The following AFAP1 variants were observed in gnomAD, a reference collection of about 807,000 sequenced individuals.
The protein encoded by AFAP1 is actin filament associated protein 1.
In AFAP1, 75 loss-of-function variants were observed where a neutral mutation model predicts 93.9. The observed-to-expected ratio is 0.80, with a 90% confidence interval of 0.66 to 0.97. The LOEUF is 0.97. Among genes scored for constraint, AFAP1 ranks in the 50% least tolerant of loss-of-function variants. The probability of loss-of-function intolerance (pLI) is 0.00; values close to 1 mark genes in which losing one functional copy is unlikely to be tolerated. For synonymous variants in AFAP1, 517 were observed against 430.7 expected (o/e 1.20, Z -2.48); for missense variants, 1,201 against 1,050.8 (o/e 1.14, Z -1.98).
intron 3 of AFAP1, among the ~76,000 whole-genome samples, chr4:7,862,893 C>T (rs1372495666): frequency 6.6e-6 from 1 of 152,158 alleles, no homozygotes; most frequent in Admixed American, 6.5e-5. Flanking sequence ...CAATGCTATG[C>T]TGAAGAAGGG....
chr4:7,922,451 G>C (rs1256506003), intron 1 of AFAP1, among the ~76,000 whole-genome samples: 3 of 152,202 alleles, frequency 2.0e-5, no homozygotes, highest in Non-Finnish European at 4.4e-5. Context: ...TAAGGAGGTA[G>C]AAGTGTGGAG....
At chr4:7,843,548 A>C (rs1002362099) in intron 4 of AFAP1, among the ~76,000 whole-genome samples, 198 bp from the exon 5 acceptor site, 1 of 152,192 alleles carries the variant, frequency 6.6e-6, no homozygotes, top group African/African-American at 2.4e-5. Flanking sequence ...AAACTCAATG[A>C]CAAGGTGAAG....
Position 7,845,825 on chromosome 4 carries a change from G to A in AFAP1, c.335-2475C>T, listed in dbSNP as rs149838388. ...AAGTCCCACATGTCAACTGGATACC[G>A]GGGCCCAGAGGAAAAACACTCCCCC... On this transcript the variant is annotated intron_variant, in intron 4 of 17. Transcript: ENST00000420658. 2.0e-3 allele frequency among the ~76,000 whole-genome samples: 305 copies of A among 152,198 alleles called. 1 individual carries two copies. The highest frequency in any genetic ancestry group is 6.9e-3 in the African/African-American group (286 of 41,512).
intron 17 of AFAP1, among the ~76,000 whole-genome samples, chr4:7,765,329 T>C (rs919481343): frequency 1.3e-5 from 2 of 152,194 alleles, no homozygotes; most frequent in Non-Finnish European, 2.9e-5. Flanking sequence ...TCATGCATCC[T>C]GAGGACCAGG....
intron 1 of AFAP1, among the ~76,000 whole-genome samples, chr4:7,900,739 AAC>A (rs1359863773): frequency 1.3e-5 from 2 of 152,258 alleles, no homozygotes; most frequent in East Asian, 3.8e-4. Context: ...GAAACGGATA[AAC>A]ACTGCAACAT....
rs190275734 is a variant in AFAP1 at position 7,760,686 on chromosome 4, T to C, written c.*3079A>G. On this transcript the variant is annotated 3_prime_UTR_variant, in exon 18 of 18. Coordinates refer to ENST00000420658, the MANE Select transcript of AFAP1 (RefSeq NM_001134647.2). Reference sequence around the variant, plus strand: ...TCAGTGGCTTAACATTATAAAAATATATAAATGGAGGTTGAAGGCTGATGA... The same window carrying C: ...TCAGTGGCTTAACATTATAAAAATACATAAATGGAGGTTGAAGGCTGATGA... 3.3e-5 allele frequency: 5 copies of C among 152,356 alleles called. No homozygotes were observed. Among genetic ancestry groups the C allele is most frequent in the East Asian group, 1.9e-4 (1 of 5,186 alleles). 9.4% of individuals were successfully genotyped at this position (152,356 alleles called of 1,614,324 possible). A position where few individuals can be genotyped will look rare whatever the true frequency, so the allele number is the denominator to read the frequency against.
At chr4:7,802,345 G>A (rs1341049165) in intron 9 of AFAP1, among the ~76,000 whole-genome samples, 2 of 152,208 alleles carry the variant, frequency 1.3e-5, no homozygotes, top group Admixed American at 6.5e-5. Context: ...AACTACACTC[G>A]ATCCAAGCTC....
At chr4:7,874,428 A>G (rs1202575687) in intron 1 of AFAP1, among the ~76,000 whole-genome samples, 1 of 142,942 alleles carries the variant, frequency 7.0e-6, no homozygotes, top group Non-Finnish European at 1.5e-5. Context: ...CAGTGGTGCA[A>G]TCTCGGCTCA....
At chr4:7,858,684 G>C (rs527738462) in intron 3 of AFAP1, among the ~76,000 whole-genome samples, 1 of 152,188 alleles carries the variant, frequency 6.6e-6, no homozygotes, top group African/African-American at 2.4e-5. Context: ...GGAGGAAGAC[G>C]CAGGCGCACA....
chr4:7,781,715 G>A (rs909470067), intron 12 of AFAP1, 88 bp from the exon 13 acceptor site: 26 of 1,493,206 alleles, frequency 1.7e-5, no homozygotes, highest in African/African-American at 1.4e-4. Flanking sequence ...TTAATAGTAC[G>A]GCATTTAGCA....
chr4:7,910,566 C>A (rs1719668611), intron 1 of AFAP1, among the ~76,000 whole-genome samples: 2 of 152,228 alleles, frequency 1.3e-5, no homozygotes, highest in South Asian at 2.1e-4. Flanking sequence ...TCAAGTGGGG[C>A]AACAGACTAC....
intron 8 of AFAP1, among the ~76,000 whole-genome samples, chr4:7,813,182 A>C (rs1362759018): frequency 6.6e-6 from 1 of 152,222 alleles, no homozygotes; most frequent in Non-Finnish European, 1.5e-5. Flanking sequence ...CCCGCAGAGA[A>C]ATGTGTCTGA....
chr4:7,890,661 T>C (rs74285607), intron 1 of AFAP1, among the ~76,000 whole-genome samples: 1 of 152,066 alleles, frequency 6.6e-6, no homozygotes, highest in African/African-American at 2.4e-5. Flanking sequence ...TTACAGACAT[T>C]TCAGGAATGG....
Position 7,793,808 on chromosome 4 carries a change from T to C in AFAP1, c.1285A>G (p.Met429Val), listed in dbSNP as rs1449774244. The C allele has an allele frequency of 8.4e-6, 13 of 1,552,110 alleles. No individual in the cohort carries two copies. The highest frequency in any genetic ancestry group is 2.4e-5 in the South Asian group (2 of 84,444). ...AGTAAAATCCCAATCCACCTGCCCA[T>C]GTCTTCAGAAGAAGATGCCTGTTGA... ...AVLEASSSEDMGRWIGILLAE... is the reference protein window; with the variant it reads ...AVLEASSSEDVGRWIGILLAE... The change falls in exon 11 of 18, where the codon ATG (methionine) becomes GTG (valine). Residue 429 changes from methionine (M) to valine (V), a missense_variant. Physicochemically the swap from Met to Val is conservative, Grantham distance 21. Coordinates refer to ENST00000420658, the MANE Select transcript of AFAP1 (RefSeq NM_001134647.2).
intron 4 of AFAP1, among the ~76,000 whole-genome samples, chr4:7,853,201 T>G (rs1714659148): frequency 6.7e-6 from 1 of 150,210 alleles, no homozygotes; most frequent in South Asian, 2.1e-4. Flanking sequence ...AATCTGGGAG[T>G]GATAGGGCAG....
At chr4:7,821,830 C>A (rs1472718232) in intron 6 of AFAP1, among the ~76,000 whole-genome samples, 1 of 152,154 alleles carries the variant, frequency 6.6e-6, no homozygotes. Flanking sequence ...GTGTTTCCAG[C>A]CATTTTGCTC....
Position 7,843,223 on chromosome 4 carries a change from G to C in AFAP1, c.462C>G (p.Ala154=), listed in dbSNP as rs1327696350. The C allele has an allele frequency of 1.2e-6, 2 of 1,614,202 alleles. No homozygotes were observed. Among genetic ancestry groups the C allele is most frequent in the East Asian group, 2.2e-5 (1 of 44,886 alleles). The part of the protein sequence containing the change: ...EEASMDLVKD[A]KICAFLLRKK... The stretch of plus-strand genomic sequence containing the variant: ...TCCGCAGCAGGAAGGCGCAGATTTT[G>C]GCGTCCTTGACCAGGTCCATGGAGG... The change falls in exon 5 of 18, where the codon GCC becomes GCG. Residue 154 remains alanine, a synonymous_variant. Coordinates refer to ENST00000420658, the MANE Select transcript of AFAP1 (RefSeq NM_001134647.2).
At chr4:7,891,193 T>C (rs1384727177) in intron 1 of AFAP1, among the ~76,000 whole-genome samples, 1 of 152,114 alleles carries the variant, frequency 6.6e-6, no homozygotes, top group African/African-American at 2.4e-5. Context: ...TATCTGACTC[T>C]GTTTTGGTGA....
At chr4:7,787,107 T>C (rs1189951029) in intron 11 of AFAP1, among the ~76,000 whole-genome samples, 3 of 152,228 alleles carry the variant, frequency 2.0e-5, no homozygotes, top group African/African-American at 7.2e-5. Flanking sequence ...TGGAATTTCA[T>C]ACATGAAGAG....
Sources: gnomAD v4.1 joint callset for allele counts (sites outside exome capture counted in the v4.1 genomes callset) on GRCh38, gnomAD v4.1.1 for gene constraint, MANE v1.5 for transcripts, NCBI Gene and HGNC (gene_info 2026-07-23, HGNC 2026-07-21) for gene names.